KCTD8: variants seen among roughly 807,000 people sequenced by gnomAD.
KCTD8 encodes the protein BTB/POZ domain-containing protein KCTD8.
KCTD8 carries 27 observed loss-of-function variants against 31.5 expected under a neutral mutation model. The observed-to-expected ratio is 0.86, with a 90% CI of 0.63 to 1.18. The LOEUF (loss-of-function observed/expected upper bound fraction) is 1.18. KCTD8 is among the 50% of genes most tolerant of loss of function. The probability of loss-of-function intolerance (pLI) is 0.00; values close to 1 mark genes in which losing one functional copy is unlikely to be tolerated. For missense variants in KCTD8, 658 were observed against 647.7 expected (o/e 1.02, Z -0.17); for synonymous variants, 290 against 280.0 (o/e 1.04, Z -0.36).
chr4:44,221,504 C>A (rs1369145658), intron 1 of KCTD8, among the ~76,000 whole-genome samples: 1 of 152,006 alleles, frequency 6.6e-6, no homozygotes, highest in African/African-American at 2.4e-5. Flanking sequence ...GGTGAAGTCC[C>A]ACAATAGGCC....
chr4:44,308,404 T>A (rs1230185069), intron 1 of KCTD8, among the ~76,000 whole-genome samples: 2 of 152,040 alleles, frequency 1.3e-5, no homozygotes, highest in African/African-American at 4.8e-5. Flanking sequence ...TATCTAAATC[T>A]CAATTTCCAG....
At chr4:44,421,930 A>T (rs1721221893) in intron 1 of KCTD8, among the ~76,000 whole-genome samples, 1 of 152,168 alleles carries the variant, frequency 6.6e-6, no homozygotes, top group Non-Finnish European at 1.5e-5. Flanking sequence ...TTCCTTATTT[A>T]AATTATTCTG....
intron 1 of KCTD8, among the ~76,000 whole-genome samples, chr4:44,357,610 T>C (rs761237392): frequency 6.6e-6 from 1 of 152,134 alleles, no homozygotes; most frequent in Admixed American, 6.5e-5. Flanking sequence ...TAAGCTAAAG[T>C]TCATGAATAA....
chr4:44,282,874 A>C (rs981390729), intron 1 of KCTD8, among the ~76,000 whole-genome samples: 1 of 152,062 alleles, frequency 6.6e-6, no homozygotes, highest in Admixed American at 6.6e-5. Flanking sequence ...TGAAGCTAGC[A>C]GAGTTTGGTG....
At chr4:44,270,726 A>C (rs1716570789) in intron 1 of KCTD8, among the ~76,000 whole-genome samples, 1 of 152,102 alleles carries the variant, frequency 6.6e-6, no homozygotes, top group African/African-American at 2.4e-5. Context: ...CAACCATGCT[A>C]TCCCCAATAA....
At chr4:44,381,784 C>T (rs537640031) in intron 1 of KCTD8, among the ~76,000 whole-genome samples, 7 of 152,128 alleles carry the variant, frequency 4.6e-5, no homozygotes, top group South Asian at 4.1e-4. Context: ...CTCCTGTTCT[C>T]GCCATATGAT....
At chr4:44,343,123 C>T (rs1003353357) in intron 1 of KCTD8, among the ~76,000 whole-genome samples, 5 of 152,180 alleles carry the variant, frequency 3.3e-5, no homozygotes, top group Non-Finnish European at 5.9e-5. Flanking sequence ...AAAGGCCTAG[C>T]TTTTGATCTG....
intron 1 of KCTD8, among the ~76,000 whole-genome samples, chr4:44,179,513 A>G (rs983752087): frequency 6.7e-6 from 1 of 148,748 alleles, no homozygotes; most frequent in Non-Finnish European, 1.5e-5. Flanking sequence ...TATGTTTTAT[A>G]TATTTTTATA....
At chr4:44,341,619 A>T (rs754072675) in intron 1 of KCTD8, among the ~76,000 whole-genome samples, 18 of 152,208 alleles carry the variant, frequency 1.2e-4, no homozygotes, top group Non-Finnish European at 4.4e-5. Flanking sequence ...TTCCTTATTC[A>T]TAAGAAGCAA....
chr4:44,329,171 T>C (rs1241573376), intron 1 of KCTD8, among the ~76,000 whole-genome samples: 1 of 151,732 alleles, frequency 6.6e-6, no homozygotes, highest in East Asian at 1.9e-4. Flanking sequence ...ACTTTTTTTT[T>C]TTTTACGATA....
At chr4:44,421,389 G>GT (rs1476976228) in intron 1 of KCTD8, among the ~76,000 whole-genome samples, 3 of 151,718 alleles carry the variant, frequency 2.0e-5, no homozygotes, top group Non-Finnish European at 1.5e-5. Context: ...TTAAACATGC[G>GT]TAAGTATCAC....
At position 44,448,422 on chromosome 4, in the gene KCTD8, CG is replaced by C; in HGVS notation, c.101del (p.Pro34ArgfsTer12). The stretch of plus-strand genomic sequence containing the variant: ...GGAAGGGCGAGGGTGCGCAGGGCCC[CG>C]GGGCGGCGGCGGCCGACGCGCCGGG... ...SSPGASAAAA[P>X]GPCAPSPFPE... is the part of the protein sequence containing the mutation. On this transcript the variant is annotated frameshift_variant, in exon 1 of 2. Coordinates refer to ENST00000360029, the MANE Select transcript of KCTD8 (RefSeq NM_198353.3). LOFTEE classifies it high-confidence loss of function. The surrounding 1 kb of genome is among the most constrained non-coding windows in gnomAD (Gnocchi z 4.1). The C allele has an allele frequency of 6.4e-7, 1 of 1,562,362 alleles. No homozygotes were observed. The highest frequency in any genetic ancestry group is 8.6e-7 in the Non-Finnish European group (1 of 1,160,588).
intron 1 of KCTD8, among the ~76,000 whole-genome samples, chr4:44,367,747 T>G (rs2109434101): frequency 6.6e-6 from 1 of 152,222 alleles, no homozygotes; most frequent in Admixed American, 6.5e-5. Context: ...TTAAATATCT[T>G]TCCAGCTACT....
At chr4:44,189,094 T>C (rs1184104188) in intron 1 of KCTD8, among the ~76,000 whole-genome samples, 2 of 152,230 alleles carry the variant, frequency 1.3e-5, no homozygotes, top group Non-Finnish European at 2.9e-5. Flanking sequence ...ATCTGAATTG[T>C]AGAATCTTAA....
intron 1 of KCTD8, among the ~76,000 whole-genome samples, chr4:44,377,114 A>C (rs1283084572): frequency 6.6e-6 from 1 of 152,204 alleles, no homozygotes; most frequent in East Asian, 1.9e-4. Context: ...TCCATTTACA[A>C]ATAAGCAGTC....
At chr4:44,222,043 A>T (rs189371008) in intron 1 of KCTD8, among the ~76,000 whole-genome samples, 1 of 152,332 alleles carries the variant, frequency 6.6e-6, no homozygotes, top group East Asian at 1.9e-4. Flanking sequence ...ACTAAGGAAA[A>T]TAAATGTAAT....
intron 1 of KCTD8, among the ~76,000 whole-genome samples, chr4:44,315,769 T>C (rs1577611320): frequency 6.6e-6 from 1 of 152,252 alleles, no homozygotes; most frequent in Admixed American, 6.5e-5. Flanking sequence ...CCTCTCAGAC[T>C]TAGGAAGTCA....
At chr4:44,310,752 C>A (rs1461469261) in intron 1 of KCTD8, among the ~76,000 whole-genome samples, 1 of 152,064 alleles carries the variant, frequency 6.6e-6, no homozygotes, top group Admixed American at 6.5e-5. Flanking sequence ...AATTATAAAT[C>A]CTATTAACCT....
intron 1 of KCTD8, among the ~76,000 whole-genome samples, chr4:44,264,267 T>C (rs561284573): frequency 6.6e-6 from 1 of 152,224 alleles, no homozygotes; most frequent in African/African-American, 2.4e-5. Context: ...TAGAATTTTT[T>C]AAAAATATTA....
Sources: gnomAD v4.1 joint callset for allele counts (sites outside exome capture counted in the v4.1 genomes callset) on GRCh38, gnomAD v4.1.1 for gene constraint, Gnocchi (gnomAD v3.1) non-coding constraint, MANE v1.5 for transcripts, NCBI Gene and HGNC (gene_info 2026-07-23, HGNC 2026-07-21) for gene names.